RGS6: variants seen among roughly 807,000 people sequenced by gnomAD.
The protein encoded by RGS6 is regulator of G protein signaling 6.
RGS6 carries 30 observed loss-of-function variants against 78.5 expected under a neutral mutation model. The ratio of observed to expected loss-of-function variants is 0.38; its 90% confidence interval spans 0.29 to 0.52. The LOEUF (loss-of-function observed/expected upper bound fraction) is 0.52. RGS6 is among the 20% of genes least tolerant of loss of function. RGS6 has a pLI of 0.85. For missense variants in RGS6, 495 were observed against 609.7 expected (o/e 0.81, Z 1.98); for synonymous variants, 206 against 206.0 (o/e 1.00, Z 0.00).
chr14:72,243,685 G>C (rs566349051), intron 2 of RGS6, among the ~76,000 whole-genome samples: 3 of 151,954 alleles, frequency 2.0e-5, no homozygotes, highest in Non-Finnish European at 4.4e-5. Flanking sequence ...TCAGTGAACA[G>C]CCTTGTTTCC....
intron 2 of RGS6, among the ~76,000 whole-genome samples, chr14:72,300,822 G>A (rs1567700134): frequency 6.6e-6 from 1 of 152,178 alleles, no homozygotes; most frequent in South Asian, 2.1e-4. Flanking sequence ...TCTTCTGTGA[G>A]TCAAGCACCA....
At chr14:72,557,825 G>T (rs931393478) in intron 17 of RGS6, among the ~76,000 whole-genome samples, 2 of 152,190 alleles carry the variant, frequency 1.3e-5, no homozygotes, top group African/African-American at 4.8e-5. Context: ...CATTAGTTCT[G>T]TTGCGAGTTC....
chr14:72,198,550 A>G (rs533815769), intron 2 of RGS6, among the ~76,000 whole-genome samples: 1 of 152,334 alleles, frequency 6.6e-6, no homozygotes, highest in South Asian at 2.1e-4. Context: ...AAGACACTGT[A>G]TTTGTCTCTA....
the RGS6 span, among the ~76,000 whole-genome samples, chr14:71,920,649 A>ACAC: frequency 1.3e-5 from 2 of 152,104 alleles, no homozygotes; most frequent in African/African-American, 4.8e-5. Flanking sequence ...ACACACACAC[A>ACAC]AAGATCAACT....
At chr14:72,390,088 TTC>T (rs530699827) in intron 3 of RGS6, among the ~76,000 whole-genome samples, 1 of 128,700 alleles carries the variant, frequency 7.8e-6, no homozygotes, top group African/African-American at 3.6e-5. Context: ...AGAGCTATAG[TTC>T]TTTTTTTTTT....
chr14:72,159,581 C>G (rs572812886), intron 2 of RGS6, among the ~76,000 whole-genome samples: 4 of 152,288 alleles, frequency 2.6e-5, no homozygotes, highest in East Asian at 1.9e-4. Flanking sequence ...TTTCCTAGAT[C>G]GTACTGGTGG....
chr14:72,611,658 C>T, the RGS6 span, among the ~76,000 whole-genome samples: 1 of 152,172 alleles, frequency 6.6e-6, no homozygotes, highest in Non-Finnish European at 1.5e-5. Context: ...ACACTGGCTG[C>T]CCAACACACT....
intron 17 of RGS6, among the ~76,000 whole-genome samples, chr14:72,551,902 C>T (rs562423083): frequency 4.6e-5 from 7 of 152,352 alleles, no homozygotes; most frequent in East Asian, 1.9e-4. Flanking sequence ...GTTTCCTCAT[C>T]CATAAAAGGG....
chr14:72,616,395 C>T, the RGS6 span, among the ~76,000 whole-genome samples: 5 of 152,170 alleles, frequency 3.3e-5, no homozygotes, highest in African/African-American at 1.2e-4. Context: ...ACCTCCACCC[C>T]ACAGCCCATG....
chr14:71,994,245 C>T (rs1243123396), intron 2 of RGS6, among the ~76,000 whole-genome samples: 3 of 151,994 alleles, frequency 2.0e-5, no homozygotes, highest in African/African-American at 4.8e-5. Flanking sequence ...CTGGGCCTCC[C>T]TCAATACCAA....
chr14:72,090,592 T>C (rs1178562844), intron 2 of RGS6, among the ~76,000 whole-genome samples: 1 of 152,228 alleles, frequency 6.6e-6, no homozygotes, highest in Non-Finnish European at 1.5e-5. Flanking sequence ...CTCTCCCGAC[T>C]CCCCACTATC....
intron 3 of RGS6, among the ~76,000 whole-genome samples, chr14:72,417,592 A>G (rs1367986939): frequency 6.6e-6 from 1 of 152,170 alleles, no homozygotes; most frequent in East Asian, 1.9e-4. Flanking sequence ...TGACTCGGAG[A>G]ACCGCATGGG....
chr14:72,186,837 G>T (rs1441592020), intron 2 of RGS6, among the ~76,000 whole-genome samples: 1 of 152,172 alleles, frequency 6.6e-6, no homozygotes, highest in East Asian at 1.9e-4. Context: ...AGTGGGAGCA[G>T]TTGTAGGATC....
the RGS6 span, among the ~76,000 whole-genome samples, chr14:72,609,156 T>G: frequency 7.9e-5 from 12 of 151,880 alleles, no homozygotes; most frequent in African/African-American, 2.9e-4. Context: ...AAGGAAGGGG[T>G]AGGGGCTTGT....
At chr14:71,954,363 C>G (rs2092623906) in intron 1 of RGS6, among the ~76,000 whole-genome samples, 1 of 151,274 alleles carries the variant, frequency 6.6e-6, no homozygotes, top group South Asian at 2.1e-4. Flanking sequence ...TTTTTTTCCT[C>G]CCTTAATTCT....
chr14:71,985,887 C>G (rs888564449), intron 2 of RGS6, among the ~76,000 whole-genome samples: 1 of 152,190 alleles, frequency 6.6e-6, no homozygotes, highest in African/African-American at 2.4e-5. Context: ...CAACCTCTTT[C>G]TACTCCCCAC....
chr14:72,044,277 A>G (rs2092664038), intron 2 of RGS6, among the ~76,000 whole-genome samples: 1 of 152,196 alleles, frequency 6.6e-6, no homozygotes, highest in African/African-American at 2.4e-5. Flanking sequence ...TGACTTTAGA[A>G]GGGATACCCA....
intron 2 of RGS6, among the ~76,000 whole-genome samples, chr14:72,004,830 T>C (rs2084192162): frequency 9.0e-6 from 1 of 111,432 alleles, no homozygotes; most frequent in Non-Finnish European, 2.1e-5. Flanking sequence ...TGTCTCAAAG[T>C]AAATAAATAA....
intron 2 of RGS6, among the ~76,000 whole-genome samples, chr14:71,981,234 G>T (rs1005569529): frequency 1.1e-3 from 173 of 151,834 alleles, no homozygotes; most frequent in African/African-American, 3.9e-3. Flanking sequence ...AGAGTAATTT[G>T]ATCGTCTGAA....
Sources: gnomAD v4.1 joint callset for allele counts (sites outside exome capture counted in the v4.1 genomes callset) on GRCh38, gnomAD v4.1.1 for gene constraint, MANE v1.5 for transcripts, NCBI Gene and HGNC (gene_info 2026-07-23, HGNC 2026-07-21) for gene names.